The following TFCP2L1 variants were observed in gnomAD, a reference collection of about 807,000 sequenced individuals.
The protein encoded by TFCP2L1 is transcription factor CP2-like protein 1.
Under a neutral mutation model 72.2 loss-of-function variants are expected in TFCP2L1, and 12 were observed. The ratio of observed to expected loss-of-function variants is 0.17; its 90% CI spans 0.11 to 0.27. The LOEUF is 0.27. Ranked by LOEUF, TFCP2L1 falls within the 10% of genes least tolerant of loss-of-function variation. The pLI is 1.00. For synonymous variants in TFCP2L1, 260 were observed against 251.0 expected (o/e 1.04, Z -0.34); for missense variants, 488 against 624.6 (o/e 0.78, Z 2.33).
At chr2:121,277,978 T>C (rs1687178806) in intron 2 of TFCP2L1, among the ~76,000 whole-genome samples, 1 of 151,736 alleles carries the variant, frequency 6.6e-6, no homozygotes, top group South Asian at 2.1e-4. Context: ...AATATAAATA[T>C]ACCAAATTAA....
intron 2 of TFCP2L1, among the ~76,000 whole-genome samples, chr2:121,269,907 T>TCAAAAAAAAAAAAAAAAAAAAAAAAA: frequency 1.3e-5 from 1 of 77,566 alleles, no homozygotes; most frequent in South Asian, 4.6e-4. Flanking sequence ...AGACTCCATC[T>TCAAAAAAAAAAAAAAAAAAAAAAAAA]AAAAAAAAAA....
intron 13 of TFCP2L1, among the ~76,000 whole-genome samples, chr2:121,228,269 A>G (rs1456420362): frequency 6.6e-6 from 1 of 152,192 alleles, no homozygotes; most frequent in East Asian, 1.9e-4. Flanking sequence ...TGATATTGCA[A>G]GCGTTCCCCA....
chr2:121,275,534 A>C (rs1251149831), intron 2 of TFCP2L1, among the ~76,000 whole-genome samples: 2 of 148,516 alleles, frequency 1.3e-5, no homozygotes, highest in Non-Finnish European at 3.0e-5. Flanking sequence ...AATCTCATCC[A>C]TTTGTTTTTT....
chr2:121,283,096 G>C (rs756634618), intron 1 of TFCP2L1, among the ~76,000 whole-genome samples: 1 of 152,140 alleles, frequency 6.6e-6, no homozygotes, highest in African/African-American at 2.4e-5. Flanking sequence ...AATAATCCAC[G>C]GACTGCTGCC....
intron 2 of TFCP2L1, among the ~76,000 whole-genome samples, chr2:121,251,920 T>C (rs528926371): frequency 8.5e-5 from 13 of 152,358 alleles, no homozygotes; most frequent in African/African-American, 2.9e-4. Flanking sequence ...TCTGGCTATA[T>C]AAAATTTAAA....
intron 13 of TFCP2L1, among the ~76,000 whole-genome samples, chr2:121,226,752 T>C (rs1686039000): frequency 6.6e-6 from 1 of 152,178 alleles, no homozygotes; most frequent in Non-Finnish European, 1.5e-5. Context: ...ATGATAAAAA[T>C]ATAACCAGAA....
At chr2:121,242,535 C>G in intron 6 of TFCP2L1, 66 bp from the exon 7 acceptor site, 1 of 1,502,932 alleles carries the variant, frequency 6.7e-7, no homozygotes, top group Non-Finnish European at 9.2e-7. Flanking sequence ...CAAGCCCTCT[C>G]CTGCTTCCCA....
At chr2:121,228,772 C>CA (rs59300568) in intron 13 of TFCP2L1, among the ~76,000 whole-genome samples, 2,091 of 58,206 alleles carry the variant, frequency 0.036, 60 homozygotes, top group South Asian at 0.052. Context: ...CCGTGACTCA[C>CA]AAAAAAAAAA....
intron 2 of TFCP2L1, among the ~76,000 whole-genome samples, chr2:121,263,722 C>T (rs1338830646): frequency 6.6e-6 from 1 of 152,170 alleles, no homozygotes; most frequent in African/African-American, 2.4e-5. Flanking sequence ...AAATCCTAAA[C>T]ACATATATCA....
chr2:121,246,254 C>T (rs1686478400), intron 6 of TFCP2L1, among the ~76,000 whole-genome samples: 1 of 152,148 alleles, frequency 6.6e-6, no homozygotes, highest in African/African-American at 2.4e-5. Flanking sequence ...AATAATCAGT[C>T]CAGATTGAAG....
At chr2:121,254,658 C>T (rs1358274779) in intron 2 of TFCP2L1, among the ~76,000 whole-genome samples, 5 of 152,094 alleles carry the variant, frequency 3.3e-5, no homozygotes, top group Admixed American at 6.5e-5. Flanking sequence ...ATTAGCCGGG[C>T]GTGGTGGCGC....
intron 2 of TFCP2L1, among the ~76,000 whole-genome samples, chr2:121,278,637 G>GATCGTGT (rs1687194731): frequency 6.7e-6 from 1 of 150,168 alleles, no homozygotes; most frequent in Admixed American, 6.6e-5. Context: ...AGTGAGCCGA[G>GATCGTGT]CCTGCACCAC....
At chr2:121,284,803 C>T (rs1016890153) in intron 1 of TFCP2L1, among the ~76,000 whole-genome samples, 2 of 152,316 alleles carry the variant, frequency 1.3e-5, no homozygotes, top group East Asian at 3.9e-4. Context: ...GGGAGGAGCC[C>T]TCGCAGACAT....
chr2:121,242,845 T>A (rs937752697), intron 6 of TFCP2L1, among the ~76,000 whole-genome samples: 12 of 152,172 alleles, frequency 7.9e-5, no homozygotes, highest in Admixed American at 7.9e-4. Context: ...TGAGAAATCC[T>A]GGCCATAAGC....
intron 2 of TFCP2L1, among the ~76,000 whole-genome samples, chr2:121,253,612 C>T (rs1230992359): frequency 6.6e-6 from 1 of 152,202 alleles, no homozygotes; most frequent in Non-Finnish European, 1.5e-5. Flanking sequence ...TGACCCCAGG[C>T]TCTGCAGGGC....
chr2:121,230,871 T>C (rs562073410), intron 13 of TFCP2L1, among the ~76,000 whole-genome samples: 1 of 151,818 alleles, frequency 6.6e-6, no homozygotes, highest in Admixed American at 6.6e-5. Flanking sequence ...AGCCCAAGAG[T>C]TCAAGACCAG....
At position 121,249,614 on chromosome 2, in the gene TFCP2L1, C is replaced by T. The variant is rs147774691; in HGVS notation, c.248G>A (p.Arg83Gln). The change falls in exon 3 of 15, where the codon CGG becomes CAG. Residue 83 changes from arginine to glutamine, a missense_variant. By Grantham distance (43) the Arg-to-Gln change is conservative. Around this residue, in one of 3 missense-constraint regions of TFCP2L1, gnomAD observed 129 missense variants for 236.0 expected, o/e 0.55. Coordinates refer to ENST00000263707, the MANE Select transcript of TFCP2L1 (RefSeq NM_014553.3). ...CAGATCTTGAAAGTCTCCCAGCTTC[C>T]GATTCTCCAGTAGTCGGATTTCATA... ...QSYEIRLLEN[R>Q]KLGDFQDLNT... 22 of 1,614,244 alleles carry T rather than the reference C, an allele frequency of 1.4e-5. No homozygotes were observed. The highest frequency in any genetic ancestry group is 2.7e-5 in the African/African-American group (2 of 75,060).
chr2:121,247,054 G>A (rs1004126989), intron 5 of TFCP2L1, 84 bp from the exon 6 acceptor site: 68 of 1,533,704 alleles, frequency 4.4e-5, no homozygotes, highest in Non-Finnish European at 3.5e-5. Context: ...TCTATTGGAG[G>A]TGTCCTTCCC....
rs1685859887 is a variant in TFCP2L1, at chr2:121,217,740, A to G, written c.*6601T>C. 1 of 152,416 alleles carries G rather than the reference A, an allele frequency of 6.6e-6. No homozygotes were observed. Among genetic ancestry groups the G allele is most frequent in the African/African-American group, 2.4e-5 (1 of 41,460 alleles). The allele number at this position is 152,416 out of a possible 1,614,324, so 9.4% of individuals were successfully genotyped here. ...GGCCACTGCTGCCCACCACTGCTCAAAGTCCTTCTCCACGCATCAACCCTG... is the reference window on the plus strand; with the variant it reads ...GGCCACTGCTGCCCACCACTGCTCAGAGTCCTTCTCCACGCATCAACCCTG... On this transcript the variant is annotated 3_prime_UTR_variant, in exon 15 of 15. Transcript: ENST00000263707.
Sources: allele counts gnomAD v4.1 joint callset (sites outside exome capture counted in the v4.1 genomes callset), GRCh38; gene constraint gnomAD v4.1.1; regional missense constraint gnomAD v4.1.1; transcripts MANE v1.5; gene names NCBI Gene and HGNC (gene_info 2026-07-23, HGNC 2026-07-21).